Variants in FAM149B1 observed in about 807,000 individuals in gnomAD.
The protein encoded by FAM149B1 is family with sequence similarity 149 member B1, also known as primary cilium assembly protein FAM149B1.
FAM149B1 carries 56 observed loss-of-function variants against 75.3 expected under a neutral mutation model. The ratio of observed to expected loss-of-function variants is 0.74; its 90% confidence interval spans 0.60 to 0.93. The LOEUF (loss-of-function observed/expected upper bound fraction) is 0.93, where lower values mean the gene tolerates loss of function less well. Ranked by LOEUF, FAM149B1 falls within the 40% of genes least tolerant of loss-of-function variation. The pLI is 0.00. For missense variants in FAM149B1, 639 were observed against 708.4 expected (o/e 0.90, Z 1.11); for synonymous variants, 259 against 256.1 (o/e 1.01, Z -0.11).
At chr10:73,172,101 T>C (rs1843742406) in intron 1 of FAM149B1, among the ~76,000 whole-genome samples, 1 of 152,242 alleles carries the variant, frequency 6.6e-6, no homozygotes, top group East Asian at 1.9e-4. Context: ...TGTTATCTAA[T>C]TGTCAATTCA....
At chr10:73,223,530 G>A (rs1362128474) in intron 7 of FAM149B1, among the ~76,000 whole-genome samples, 2 of 152,064 alleles carry the variant, frequency 1.3e-5, no homozygotes, top group African/African-American at 2.4e-5. Flanking sequence ...AGTACTAGAC[G>A]CATAAGGGTA....
intron 3 of FAM149B1, among the ~76,000 whole-genome samples, chr10:73,183,783 A>C (rs1034091046): frequency 2.6e-5 from 4 of 152,242 alleles, no homozygotes; most frequent in Non-Finnish European, 4.4e-5. Context: ...ACTTTGGGTT[A>C]AGAACAGTGA....
chr10:73,219,955 G>A (rs2043372721), intron 7 of FAM149B1, among the ~76,000 whole-genome samples: 1 of 151,360 alleles, frequency 6.6e-6, no homozygotes, highest in Admixed American at 6.6e-5. Flanking sequence ...TATCAAGGAA[G>A]CGAAAGACAA....
At chr10:73,187,467 C>A (rs2042556984) in intron 3 of FAM149B1, among the ~76,000 whole-genome samples, 1 of 150,870 alleles carries the variant, frequency 6.6e-6, no homozygotes, top group African/African-American at 2.4e-5. Flanking sequence ...AGGTGGCTCA[C>A]GCCTGTAATC....
At chr10:73,177,302 G>A (rs1005225174) in intron 2 of FAM149B1, among the ~76,000 whole-genome samples, 2 of 152,042 alleles carry the variant, frequency 1.3e-5, no homozygotes, top group South Asian at 2.1e-4. Flanking sequence ...GGCTGGGTGC[G>A]GTGGCTTATG....
intron 5 of FAM149B1, among the ~76,000 whole-genome samples, chr10:73,195,064 C>A (rs2042771582): frequency 6.6e-6 from 1 of 152,200 alleles, no homozygotes. Flanking sequence ...AATAGGATTA[C>A]TTTGAAACCT....
chr10:73,180,175 T>C (rs552317695), intron 3 of FAM149B1, among the ~76,000 whole-genome samples: 9 of 152,284 alleles, frequency 5.9e-5, no homozygotes, highest in Non-Finnish European at 1.2e-4. Flanking sequence ...GTAAGGTAGA[T>C]CTGAGACTTG....
chr10:73,224,596 C>T (rs1264916313), intron 7 of FAM149B1, among the ~76,000 whole-genome samples: 3 of 151,654 alleles, frequency 2.0e-5, no homozygotes, highest in Admixed American at 6.6e-5. Context: ...CTCAGCCTCC[C>T]GAGTAGCTGG....
At chr10:73,223,713 A>C (rs961651887) in intron 7 of FAM149B1, among the ~76,000 whole-genome samples, 1 of 148,322 alleles carries the variant, frequency 6.7e-6, no homozygotes, top group Non-Finnish European at 1.5e-5. Context: ...TTTTTAAGCC[A>C]CTATGTTGTA....
chr10:73,240,062 C>G (rs576042407), intron 13 of FAM149B1, among the ~76,000 whole-genome samples: 2 of 152,230 alleles, frequency 1.3e-5, no homozygotes, highest in South Asian at 4.1e-4. Context: ...ATAGCTAGGG[C>G]TACAAGCAGT....
chr10:73,210,567 T>G (rs1285676496), intron 7 of FAM149B1, 129 bp downstream of exon 7: 4 of 593,390 alleles, frequency 6.7e-6, no homozygotes, highest in Admixed American at 3.5e-5. Flanking sequence ...CTTATGCCTA[T>G]AATCCAAACA....
intron 5 of FAM149B1, among the ~76,000 whole-genome samples, chr10:73,198,547 GTA>G (rs1688750705): frequency 6.6e-6 from 1 of 152,176 alleles, no homozygotes; most frequent in African/African-American, 2.4e-5. Context: ...GCTCATGCCT[GTA>G]ATCCCAACAC....
At chr10:73,227,340 C>A (rs1310313776) in intron 7 of FAM149B1, among the ~76,000 whole-genome samples, 9 of 152,210 alleles carry the variant, frequency 5.9e-5, no homozygotes, top group African/African-American at 9.7e-5. Flanking sequence ...CTGCCTCAGC[C>A]TCCCACAGTG....
At chr10:73,200,471 A>G (rs879085931) in intron 5 of FAM149B1, 10 of 622,296 alleles carry the variant, frequency 1.6e-5, no homozygotes, top group Admixed American at 1.1e-4. Flanking sequence ...GAAGTACCAC[A>G]TATTGTTGGT....
At chr10:73,179,154 A>G (rs1307430819) in intron 3 of FAM149B1, among the ~76,000 whole-genome samples, 1 of 152,004 alleles carries the variant, frequency 6.6e-6, no homozygotes, top group Non-Finnish European at 1.5e-5. Context: ...CAGTAGAGAC[A>G]GGGTTTCACC....
At chr10:73,177,723 A>G (rs530234882) in intron 2 of FAM149B1, 123 bp from the exon 3 acceptor site, 5 of 800,964 alleles carry the variant, frequency 6.2e-6, no homozygotes, top group East Asian at 2.8e-5. Context: ...ATTTTTGCCT[A>G]TGTGGATATA....
intron 5 of FAM149B1, among the ~76,000 whole-genome samples, chr10:73,201,852 T>G (rs1163781552): frequency 1.3e-5 from 2 of 151,900 alleles, no homozygotes; most frequent in Admixed American, 1.3e-4. Context: ...ATAAACTGTA[T>G]ATTCACTTAA....
intron 5 of FAM149B1, among the ~76,000 whole-genome samples, chr10:73,207,030 C>A (rs568503237): frequency 2.8e-4 from 43 of 152,346 alleles, no homozygotes; most frequent in African/African-American, 9.6e-4. Context: ...GAAGGCTTGG[C>A]ACTATCTGTG....
intron 3 of FAM149B1, among the ~76,000 whole-genome samples, chr10:73,179,011 C>T (rs2042329083): frequency 6.6e-6 from 1 of 151,910 alleles, no homozygotes; most frequent in Admixed American, 6.5e-5. Flanking sequence ...TGTTGCCAGG[C>T]TGGAGTGCAG....
Sources: allele counts gnomAD v4.1 joint callset (sites outside exome capture counted in the v4.1 genomes callset), GRCh38; gene constraint gnomAD v4.1.1; transcripts MANE v1.5; gene names NCBI Gene and HGNC (gene_info 2026-07-23, HGNC 2026-07-21).